The following PCDHA9 variants were observed in gnomAD, a reference collection of about 807,000 sequenced individuals.
PCDHA9 encodes protocadherin alpha-9.
Under a neutral mutation model 62.0 loss-of-function variants are expected in PCDHA9, and 62 were observed. The ratio of observed to expected loss-of-function variants is 1.00; its 90% CI spans 0.81 to 1.23. The LOEUF (loss-of-function observed/expected upper bound fraction) is 1.23. PCDHA9 is among the 50% of genes most tolerant of loss of function. The pLI is 0.00. For synonymous variants in PCDHA9, 557 were observed against 567.6 expected, an observed-to-expected ratio of 0.98 and a Z score of 0.27; for missense variants, 1,205 against 1,249.8, an observed-to-expected ratio of 0.96 and a Z score of 0.54.
chr5:140,954,824 C>A (rs1167171102), intron 1 of PCDHA9, among the ~76,000 whole-genome samples: 1 of 152,068 alleles, frequency 6.6e-6, no homozygotes, highest in Admixed American at 6.6e-5. Flanking sequence ...GCTTTAGGCA[C>A]TTTTGTCATG....
chr5:140,954,724 C>T (rs2095079319), intron 1 of PCDHA9, among the ~76,000 whole-genome samples: 1 of 152,196 alleles, frequency 6.6e-6, no homozygotes, highest in Admixed American at 6.5e-5. Context: ...TGTAGGTTGT[C>T]TTTTCACTCT....
At chr5:140,981,982 A>G (rs1026116713) in intron 2 of PCDHA9, among the ~76,000 whole-genome samples, 6 of 152,218 alleles carry the variant, frequency 3.9e-5, no homozygotes, top group Admixed American at 2.0e-4. Context: ...AAAGAGTAAA[A>G]TAGAAAATAA....
At chr5:140,939,712 C>T (rs1019626550) in intron 1 of PCDHA9, among the ~76,000 whole-genome samples, 2 of 152,256 alleles carry the variant, frequency 1.3e-5, no homozygotes, top group East Asian at 1.9e-4. Context: ...TTGTGAGATA[C>T]ATTTATATTG....
At chr5:140,871,086 G>T (rs556097993) in intron 1 of PCDHA9, 15 of 1,613,256 alleles carry the variant, frequency 9.3e-6, no homozygotes, top group Non-Finnish European at 1.1e-5. Context: ...TGACGGCCAC[G>T]GCCACCGTGC....
At chr5:140,897,298 G>A (rs1372345306) in intron 1 of PCDHA9, among the ~76,000 whole-genome samples, 18 of 150,818 alleles carry the variant, frequency 1.2e-4, no homozygotes, top group Non-Finnish European at 1.8e-4. Flanking sequence ...TCGTCATTTA[G>A]CATTAGGTAT....
At position 140,873,044 on chromosome 5, in the gene PCDHA9, A is replaced by T. The variant is rs115529200; in HGVS notation, c.2394+22155A>T. Among the ~76,000 whole-genome samples, 1,019 of 152,290 alleles carry T rather than the reference A, an allele frequency of 6.7e-3. 5 individuals are homozygous for T. Among genetic ancestry groups the T allele is most frequent in the Admixed American group, 0.012 (189 of 15,302 alleles). On this transcript the variant is annotated intron_variant, in intron 1 of 3. Coordinates refer to ENST00000532602, the MANE Select transcript of PCDHA9 (RefSeq NM_031857.2). ...TTCTTACTACACGTAGAGTGGTGGT[A>T]TTACAGACTTTCTTGAGAATCATAT...
intron 1 of PCDHA9, chr5:140,866,572 G>A (rs1184209628): frequency 1.3e-5 from 2 of 152,168 alleles, no homozygotes; most frequent in Non-Finnish European, 2.9e-5. Context: ...TGTTAATACA[G>A]TGGTTGGATA....
intron 1 of PCDHA9, among the ~76,000 whole-genome samples, chr5:140,909,960 C>T (rs1419796014): frequency 6.6e-6 from 1 of 152,184 alleles, no homozygotes; most frequent in Non-Finnish European, 1.5e-5. Context: ...CGTAGGTCTC[C>T]ATGGGGAAGG....
intron 1 of PCDHA9, chr5:140,870,137 A>C (rs1554163840): frequency 6.2e-7 from 1 of 1,613,940 alleles, no homozygotes; most frequent in Non-Finnish European, 8.5e-7. Flanking sequence ...ACCAACGATA[A>C]CTCTCCTGAA....
intron 1 of PCDHA9, among the ~76,000 whole-genome samples, chr5:140,872,376 C>T (rs1270470575): frequency 1.3e-5 from 2 of 152,128 alleles, no homozygotes; most frequent in Non-Finnish European, 2.9e-5. Flanking sequence ...CCTGTAATCC[C>T]AGCTATTTGG....
intron 1 of PCDHA9, among the ~76,000 whole-genome samples, chr5:140,964,896 G>A (rs868917865): frequency 6.6e-6 from 1 of 152,170 alleles, no homozygotes. Context: ...TAGGAGGCTG[G>A]GCGCTTCTCT....
At chr5:140,940,940 G>T (rs187772223) in intron 1 of PCDHA9, among the ~76,000 whole-genome samples, 1 of 152,254 alleles carries the variant, frequency 6.6e-6, no homozygotes, top group Non-Finnish European at 1.5e-5. Context: ...CTTAGACTAC[G>T]TATTCTCAGA....
At chr5:140,881,559 C>A (rs1293330721) in intron 1 of PCDHA9, among the ~76,000 whole-genome samples, 1 of 152,174 alleles carries the variant, frequency 6.6e-6, no homozygotes, top group East Asian at 1.9e-4. Context: ...ATATAAATAT[C>A]TTATCTACAT....
chr5:140,941,284 TTCTC>T (rs1234192371), intron 1 of PCDHA9, among the ~76,000 whole-genome samples: 2 of 124,572 alleles, frequency 1.6e-5, no homozygotes, highest in African/African-American at 2.8e-5. Flanking sequence ...CTTCCTTCCT[TTCTC>T]TTTCTTTCTT....
intron 1 of PCDHA9, chr5:140,866,298 G>A (rs2049270991): frequency 6.6e-6 from 1 of 152,134 alleles, no homozygotes; most frequent in African/African-American, 2.4e-5. Flanking sequence ...AAGTATAGAT[G>A]TTGATATTAT....
At chr5:140,872,425 G>A (rs1280008446) in intron 1 of PCDHA9, among the ~76,000 whole-genome samples, 3 of 151,980 alleles carry the variant, frequency 2.0e-5, no homozygotes, top group African/African-American at 7.3e-5. Flanking sequence ...CCAAGAGTTC[G>A]AGGCCTGCCT....
intron 1 of PCDHA9, among the ~76,000 whole-genome samples, chr5:140,934,654 T>G (rs1178051306): frequency 6.6e-6 from 1 of 152,168 alleles, no homozygotes; most frequent in African/African-American, 2.4e-5. Flanking sequence ...AATGTTTGAT[T>G]CTTCCCCTTT....
intron 3 of PCDHA9, among the ~76,000 whole-genome samples, chr5:140,983,123 G>A (rs781811003): frequency 2.0e-5 from 3 of 152,198 alleles, no homozygotes; most frequent in Non-Finnish European, 4.4e-5. Flanking sequence ...ACAACATTCT[G>A]CAGACTGACT....
Position 140,857,453 on chromosome 5 carries a change from C to A in PCDHA9, c.2394+6564C>A, listed in dbSNP as rs545328956. On this transcript the variant is annotated intron_variant, in intron 1 of 3. Coordinates refer to ENST00000532602, the MANE Select transcript of PCDHA9 (RefSeq NM_031857.2). ...GGTGTTCGTGAAGGAGAACAACCCG[C>A]CAGGCTGCCACATCTTCACGGTGTC... 1 of 1,598,604 alleles carries A rather than the reference C, an allele frequency of 6.3e-7. No individual in the cohort carries two copies. The highest frequency in any genetic ancestry group is 1.1e-5 in the South Asian group (1 of 90,558).
Sources: allele counts gnomAD v4.1 joint callset (sites outside exome capture counted in the v4.1 genomes callset), GRCh38; gene constraint gnomAD v4.1.1; transcripts MANE v1.5; gene names NCBI Gene and HGNC (gene_info 2026-07-23, HGNC 2026-07-21).